CEP97: variants seen among roughly 807,000 people sequenced by gnomAD.
CEP97 encodes centrosomal protein 97, also known as centrosomal protein of 97 kDa.
Under a neutral mutation model 73.1 loss-of-function variants are expected in CEP97, and 43 were observed. The ratio of observed to expected loss-of-function variants is 0.59; its 90% CI spans 0.46 to 0.76. The LOEUF (loss-of-function observed/expected upper bound fraction) is 0.76. Ranked by LOEUF, CEP97 falls within the 30% of genes least tolerant of loss-of-function variation. CEP97 has a pLI of 0.00. For synonymous variants in CEP97, 337 were observed against 370.0 expected (o/e 0.91, Z 1.02); for missense variants, 939 against 1,014.0 (o/e 0.93, Z 1.00).
chr3:101,731,976 G>A (rs1381973920), intron 5 of CEP97, 23 bp downstream of exon 5: 1 of 1,329,652 alleles, frequency 7.5e-7, no homozygotes, highest in Non-Finnish European at 1.1e-6. Flanking sequence ...GGTATTTTGT[G>A]AGATTCAGGA....
At chr3:101,734,946 G>C (rs1458143404) in intron 6 of CEP97, among the ~76,000 whole-genome samples, 1 of 152,204 alleles carries the variant, frequency 6.6e-6, no homozygotes, top group Non-Finnish European at 1.5e-5. Flanking sequence ...TCTATTAGCT[G>C]TGTGGCCTTG....
intron 6 of CEP97, among the ~76,000 whole-genome samples, chr3:101,741,222 A>C (rs183361029): frequency 2.7e-3 from 408 of 152,340 alleles, no homozygotes; most frequent in African/African-American, 9.1e-3. Context: ...ATATGCAGAA[A>C]ACTGAAATTG....
At position 101,727,420 on chromosome 3, in the gene CEP97, G is replaced by A. The variant is rs774363921; in HGVS notation, c.224G>A (p.Gly75Asp). The A allele has an allele frequency of 6.2e-7, 1 of 1,613,828 alleles. No individual in the cohort carries two copies. Residue 75 changes from glycine (G) to aspartate (D), a missense_variant, in exon 3 of 11, where the codon GGT becomes GAT. Transcript: ENST00000341893. Reference sequence around the variant, plus strand: ...AATAATCGGCTGGTTCGGATGATGGGTGTGGCCAAGCTGACGTTGCTTCGT... The same window carrying A: ...AATAATCGGCTGGTTCGGATGATGGATGTGGCCAAGCTGACGTTGCTTCGT... Reference protein sequence around the residue: ...VANNRLVRMMGVAKLTLLRVL... With the variant: ...VANNRLVRMMDVAKLTLLRVL...
At chr3:101,764,054 C>T (rs922577725) in intron 10 of CEP97, among the ~76,000 whole-genome samples, 4 of 152,154 alleles carry the variant, frequency 2.6e-5, no homozygotes, top group African/African-American at 9.7e-5. Context: ...CCATTTGTGC[C>T]AGTCTGGTTT....
intron 1 of CEP97, 67 bp downstream of exon 1, chr3:101,724,786 G>T: frequency 6.5e-7 from 1 of 1,530,926 alleles, no homozygotes; most frequent in Non-Finnish European, 9.0e-7. Context: ...GTGGAGAGCA[G>T]AAAACCTAGG....
rs552501265 is a variant in CEP97 at position 101,758,083 on chromosome 3, A to G, written c.1477A>G (p.Ile493Val). ...PCPEPTIISA[I>V]LKDDNHSLTF... ...TCCTGAGCCAACAATAATCAGTGCT[A>G]TCTTGAAGGATGATAACCACAGTCT... The change falls in exon 9 of 11, where the codon ATC becomes GTC. Residue 493 changes from isoleucine to valine, a missense_variant. Coordinates refer to ENST00000341893, the MANE Select transcript of CEP97 (RefSeq NM_024548.4). 14 of 1,614,238 alleles carry G rather than the reference A, an allele frequency of 8.7e-6. No homozygotes were observed. The highest frequency in any genetic ancestry group is 1.7e-5 in the Admixed American group (1 of 60,032).
At chr3:101,743,605 G>A (rs907773536) in intron 6 of CEP97, among the ~76,000 whole-genome samples, 5 of 152,092 alleles carry the variant, frequency 3.3e-5, no homozygotes, top group Admixed American at 6.6e-5. Flanking sequence ...TGTGTTGCCC[G>A]GGCTGGTCTT....
In CEP97 at chr3:101,765,134, C is replaced by T; in HGVS notation, c.2181C>T (p.Gly727=). Reference sequence around the variant, plus strand: ...ATTTTGAGAAAAGTTCCACAGAAGGCAGTGAAAGCTCCATAATGGGGAATT... The same window carrying T: ...ATTTTGAGAAAAGTTCCACAGAAGGTAGTGAAAGCTCCATAATGGGGAATT... ...SLDFEKSSTE[G]SESSIMGNSI... The change falls in exon 11 of 11, where the codon GGC becomes GGT. Residue 727 remains glycine, a synonymous_variant. Coordinates refer to ENST00000341893, the MANE Select transcript of CEP97 (RefSeq NM_024548.4). 6.2e-7 allele frequency: 1 copy of T among 1,614,166 alleles called. No individual in the cohort carries two copies. The highest frequency in any genetic ancestry group is 8.5e-7 in the Non-Finnish European group (1 of 1,180,036).
rs745755956 is a variant in CEP97 at position 101,727,560 on chromosome 3, G to C, written c.345+19G>C. On this transcript the variant is annotated intron_variant, in intron 3 of 10. Coordinates refer to ENST00000341893, the MANE Select transcript of CEP97 (RefSeq NM_024548.4). ...TCTTAAGGTGAATGGTTTCTTTTTT[G>C]TTTACAAAACTATTCTGCGTAAAAA... is the stretch of plus-strand genomic sequence containing the variant. 42 of 1,581,806 alleles carry C rather than the reference G, an allele frequency of 2.7e-5. No homozygotes were observed. In the South Asian group the frequency reaches 4.9e-4, roughly 19 times the overall value.
rs1433927942 is a variant in CEP97, at chr3:101,755,569, C to T, written c.868C>T (p.Leu290=). Residue 290 remains leucine (L), a synonymous_variant, in exon 7 of 11, where the codon CTA becomes TTA. Coordinates refer to ENST00000341893, the MANE Select transcript of CEP97 (RefSeq NM_024548.4). The stretch of plus-strand genomic sequence containing the variant: ...TCTTCAAACTGCAGAGGATGCCAAA[C>T]TAGAGAAGATTTTGAGCAAACAGAG... ...LGLQTAEDAK[L]EKILSKQRFH... 1.2e-6 allele frequency: 2 copies of T among 1,614,018 alleles called. No homozygotes were observed. The highest frequency in any genetic ancestry group is 3.3e-5 in the Admixed American group (2 of 59,996).
intron 10 of CEP97, 146 bp downstream of exon 10, chr3:101,762,706 C>A: frequency 1.8e-6 from 1 of 543,070 alleles, no homozygotes; most frequent in Non-Finnish European, 3.2e-6. Context: ...TAACTGTGAA[C>A]TAGGACAGTG....
intron 6 of CEP97, among the ~76,000 whole-genome samples, chr3:101,743,935 C>G (rs950964200): frequency 2.0e-5 from 3 of 148,966 alleles, no homozygotes; most frequent in Non-Finnish European, 4.4e-5. Flanking sequence ...ATCCGAGAGG[C>G]AGAGGTTACG....
At chr3:101,725,919 T>C (rs1015770781) in intron 1 of CEP97, among the ~76,000 whole-genome samples, 1 of 151,344 alleles carries the variant, frequency 6.6e-6, no homozygotes, top group Admixed American at 6.6e-5. Flanking sequence ...TAGAACTACA[T>C]TTATAAGGCA....
intron 6 of CEP97, among the ~76,000 whole-genome samples, chr3:101,746,060 C>A (rs887643188): frequency 6.6e-6 from 1 of 152,146 alleles, no homozygotes; most frequent in African/African-American, 2.4e-5. Context: ...CCAATTTCAT[C>A]CATGTCCCTA....
intron 6 of CEP97, among the ~76,000 whole-genome samples, chr3:101,740,651 A>C (rs1938421091): frequency 1.3e-5 from 2 of 151,292 alleles, no homozygotes; most frequent in African/African-American, 4.9e-5. Flanking sequence ...GTGCAATGGC[A>C]TGATCTCGGC....
chr3:101,731,010 G>A (rs540130824), intron 4 of CEP97, among the ~76,000 whole-genome samples: 28 of 150,894 alleles, frequency 1.9e-4, no homozygotes, highest in African/African-American at 6.8e-4. Context: ...CAGAATCCTG[G>A]GTGTTCAGTT....
chr3:101,747,598 C>G lies in CEP97; in HGVS notation c.729-7832C>G, dbSNP rs551123230. Among the ~76,000 whole-genome samples, 7 of 151,370 alleles carry G rather than the reference C, an allele frequency of 4.6e-5. No individual in the cohort carries two copies. In the South Asian group the frequency reaches 1.3e-3, roughly 27 times the overall value. On this transcript the variant is annotated intron_variant, in intron 6 of 10. Coordinates refer to ENST00000341893, the MANE Select transcript of CEP97 (RefSeq NM_024548.4). The stretch of plus-strand genomic sequence containing the variant: ...TTTGAGACAGTTTCGCTCTTGTTGC[C>G]CAGGCTGGAGTGCAGTGGTGCGATC...
intron 6 of CEP97, among the ~76,000 whole-genome samples, chr3:101,738,011 C>CAAAAAAAAAAAAA (rs770745532): frequency 3.2e-4 from 14 of 44,216 alleles, no homozygotes; most frequent in African/African-American, 6.9e-4. Flanking sequence ...AAATGGAAAG[C>CAAAAAAAAAAAAA]AAAAAAAAAA....
chr3:101,726,749 A>G lies in CEP97; in HGVS notation c.186+13A>G, dbSNP rs747447888. On this transcript the variant is annotated intron_variant, in intron 2 of 10. Coordinates refer to ENST00000341893, the MANE Select transcript of CEP97 (RefSeq NM_024548.4). ...ACGATTAATACAGGTAGGTATTGCA[A>G]TCTGGGAAATGGTTACATAGGATCA... 4 of 1,568,954 alleles carry G rather than the reference A, an allele frequency of 2.5e-6. No homozygotes were observed. The highest frequency in any genetic ancestry group is 4.5e-5 in the East Asian group (2 of 44,290).
Sources: allele counts gnomAD v4.1 joint callset (sites outside exome capture counted in the v4.1 genomes callset), GRCh38; gene constraint gnomAD v4.1.1; transcripts MANE v1.5; gene names NCBI Gene and HGNC (gene_info 2026-07-23, HGNC 2026-07-21).